The following SCAPER variants were observed in gnomAD, a reference collection of about 807,000 sequenced individuals.
The protein encoded by SCAPER is S-phase cyclin A associated protein in the ER.
A neutral mutation model predicts 182.2 loss-of-function variants in SCAPER; 98 were observed. The observed-to-expected ratio is 0.54, with a 90% CI of 0.46 to 0.64. SCAPER has a LOEUF of 0.64. Among genes scored for constraint, SCAPER ranks in the 30% least tolerant of loss-of-function variants. The probability of loss-of-function intolerance (pLI) is 0.00; values close to 1 mark genes in which losing one functional copy is unlikely to be tolerated. For missense variants in SCAPER, 1,432 were observed against 1,690.0 expected (o/e 0.85, Z 2.68); for synonymous variants, 605 against 564.6 (o/e 1.07, Z -1.01).
intron 23 of SCAPER, among the ~76,000 whole-genome samples, chr15:76,516,639 A>G (rs1199395090): frequency 6.6e-6 from 1 of 152,068 alleles, no homozygotes; most frequent in African/African-American, 2.4e-5. Flanking sequence ...GTTGGTTCCA[A>G]GTCTTTGGTA....
intron 25 of SCAPER, among the ~76,000 whole-genome samples, chr15:76,449,894 C>A (rs2048257789): frequency 6.6e-6 from 1 of 152,146 alleles, no homozygotes; most frequent in African/African-American, 2.4e-5. Context: ...ACATCCATGT[C>A]TTATCTATTC....
intron 25 of SCAPER, among the ~76,000 whole-genome samples, chr15:76,456,286 G>T (rs2048730154): frequency 6.6e-6 from 1 of 152,126 alleles, no homozygotes. Context: ...ACTCCCACCT[G>T]CAGTGTAAAA....
intron 15 of SCAPER, among the ~76,000 whole-genome samples, chr15:76,735,476 T>C (rs749079760): frequency 6.6e-6 from 1 of 151,854 alleles, no homozygotes; most frequent in South Asian, 2.1e-4. Flanking sequence ...GACAGGCAGA[T>C]TGCCTGAGCT....
At chr15:76,465,398 C>A (rs929706616) in intron 25 of SCAPER, among the ~76,000 whole-genome samples, 2 of 152,100 alleles carry the variant, frequency 1.3e-5, no homozygotes, top group Admixed American at 6.6e-5. Context: ...AAAGGCTCCT[C>A]CTCCTAATGC....
At chr15:76,725,353 C>G (rs1463293139) in intron 17 of SCAPER, among the ~76,000 whole-genome samples, 1 of 151,412 alleles carries the variant, frequency 6.6e-6, no homozygotes, top group Non-Finnish European at 1.5e-5. Context: ...ATTAAGATGG[C>G]CATATTGGCT....
At chr15:76,564,202 A>G (rs1255063997) in intron 23 of SCAPER, among the ~76,000 whole-genome samples, 7 of 152,186 alleles carry the variant, frequency 4.6e-5, no homozygotes, top group Non-Finnish European at 1.0e-4. Context: ...AGGACATCCA[A>G]ATAGAAACGG....
intron 20 of SCAPER, 25 bp downstream of exon 20, chr15:76,701,733 G>T: frequency 6.4e-7 from 1 of 1,571,304 alleles, no homozygotes; most frequent in Non-Finnish European, 8.8e-7. Flanking sequence ...ATAAACAATT[G>T]TAAATGAACA....
intron 22 of SCAPER, among the ~76,000 whole-genome samples, chr15:76,601,386 A>T (rs2145792188): frequency 8.2e-6 from 1 of 122,028 alleles, no homozygotes; most frequent in Non-Finnish European, 2.0e-5. Flanking sequence ...ATAATACTGC[A>T]TTTTTACTGT....
chr15:76,851,475 C>T (rs2070749446), intron 4 of SCAPER, among the ~76,000 whole-genome samples: 1 of 152,112 alleles, frequency 6.6e-6, no homozygotes, highest in Admixed American at 6.6e-5. Context: ...AAGGGAACCT[C>T]ATAAAGCTAA....
intron 23 of SCAPER, among the ~76,000 whole-genome samples, chr15:76,559,956 A>T (rs924874735): frequency 3.3e-5 from 5 of 152,146 alleles, no homozygotes; most frequent in Non-Finnish European, 5.9e-5. Context: ...ATGGGTATGC[A>T]TATGTTTACT....
At chr15:76,487,228 T>C (rs1475435177) in intron 24 of SCAPER, among the ~76,000 whole-genome samples, 24 of 152,020 alleles carry the variant, frequency 1.6e-4, no homozygotes, top group Admixed American at 1.6e-3. Context: ...AAAAAACTAA[T>C]GGGTACTAGG....
chr15:76,441,157 G>A (rs967741413), intron 25 of SCAPER, among the ~76,000 whole-genome samples: 1 of 151,764 alleles, frequency 6.6e-6, no homozygotes, highest in East Asian at 1.9e-4. Flanking sequence ...TCCTGACCTC[G>A]TGATCCACCC....
intron 8 of SCAPER, among the ~76,000 whole-genome samples, chr15:76,781,759 C>T (rs1015103972): frequency 6.6e-6 from 1 of 152,102 alleles, no homozygotes; most frequent in East Asian, 1.9e-4. Context: ...AAAAAATTTT[C>T]AACCCAGAAT....
chr15:76,769,429 T>A (rs1372322911), intron 10 of SCAPER, among the ~76,000 whole-genome samples: 2 of 110,122 alleles, frequency 1.8e-5, no homozygotes, highest in Non-Finnish European at 3.4e-5. Flanking sequence ...GGGGACACAG[T>A]GAGACTCTGT....
intron 4 of SCAPER, among the ~76,000 whole-genome samples, chr15:76,855,152 C>T (rs1016007155): frequency 6.6e-6 from 1 of 151,960 alleles, no homozygotes; most frequent in African/African-American, 2.4e-5. Flanking sequence ...TGATCTTTGA[C>T]AAGACAAAAA....
At chr15:76,895,704 C>T (rs1247801663) in intron 1 of SCAPER, among the ~76,000 whole-genome samples, 3 of 152,016 alleles carry the variant, frequency 2.0e-5, no homozygotes, top group East Asian at 1.9e-4. Flanking sequence ...AAATCAGTAG[C>T]TTTTCTATAC....
intron 26 of SCAPER, among the ~76,000 whole-genome samples, chr15:76,407,156 C>T (rs1448897649): frequency 1.3e-5 from 2 of 152,120 alleles, no homozygotes; most frequent in Admixed American, 1.3e-4. Flanking sequence ...TGTCATTGTG[C>T]AAACATCATA....
At chr15:76,667,810 G>A (rs369815431) in intron 20 of SCAPER, among the ~76,000 whole-genome samples, 7 of 151,628 alleles carry the variant, frequency 4.6e-5, no homozygotes, top group Middle Eastern at 3.4e-3. Context: ...AAAATTAGCC[G>A]GGCATGGTGG....
At chr15:76,571,892 T>C (rs1023777082) in intron 23 of SCAPER, among the ~76,000 whole-genome samples, 1 of 152,182 alleles carries the variant, frequency 6.6e-6, no homozygotes, top group East Asian at 1.9e-4. Flanking sequence ...TATTACTCTA[T>C]GGAAGTCTTC....
Sources: allele counts gnomAD v4.1 joint callset (sites outside exome capture counted in the v4.1 genomes callset), GRCh38; gene constraint gnomAD v4.1.1; transcripts MANE v1.5; gene names NCBI Gene and HGNC (gene_info 2026-07-23, HGNC 2026-07-21).